Variants in SLC24A4 observed in about 807,000 individuals in gnomAD.
The protein encoded by SLC24A4 is sodium/potassium/calcium exchanger 4.
SLC24A4 carries 53 observed loss-of-function variants against 79.0 expected under a neutral mutation model. The ratio of observed to expected loss-of-function variants is 0.67; its 90% CI spans 0.54 to 0.84. The LOEUF (loss-of-function observed/expected upper bound fraction) is 0.84, where lower values mean the gene tolerates loss of function less well. Ranked by LOEUF, SLC24A4 falls within the 40% of genes least tolerant of loss-of-function variation. SLC24A4 has a pLI of 0.00. For missense variants in SLC24A4, 731 were observed against 822.0 expected (o/e 0.89, Z 1.35); for synonymous variants, 323 against 323.8 (o/e 1.00, Z 0.03).
intron 13 of SLC24A4, among the ~76,000 whole-genome samples, chr14:92,486,232 G>A (rs965986096): frequency 7.2e-5 from 11 of 152,200 alleles, no homozygotes; most frequent in African/African-American, 2.7e-4. Flanking sequence ...TGTGCAGTTG[G>A]GGAAACTGAG....
intron 2 of SLC24A4, among the ~76,000 whole-genome samples, chr14:92,413,849 C>T (rs1890847688): frequency 6.6e-6 from 1 of 152,092 alleles, no homozygotes; most frequent in African/African-American, 2.4e-5. Context: ...TAGAGATAGG[C>T]AAAAGATGTG....
chr14:92,407,488 C>T (rs962121869), intron 2 of SLC24A4, among the ~76,000 whole-genome samples: 5 of 152,186 alleles, frequency 3.3e-5, no homozygotes, highest in Non-Finnish European at 5.9e-5. Context: ...AAAGAACCAC[C>T]TGAGACTGGG....
intron 12 of SLC24A4, among the ~76,000 whole-genome samples, chr14:92,464,817 G>A (rs1007498785): frequency 2.0e-5 from 3 of 152,204 alleles, no homozygotes; most frequent in African/African-American, 4.8e-5. Context: ...CTGAAGAAAA[G>A]CAGTGAAGCC....
chr14:92,493,477 T>G lies in SLC24A4; in HGVS notation c.1718T>G (p.Val573Gly). 3.7e-6 allele frequency: 6 copies of G among 1,614,102 alleles called. No individual in the cohort carries two copies. Among genetic ancestry groups the G allele is most frequent in the Non-Finnish European group, 5.1e-6 (6 of 1,179,994 alleles). Residue 573 changes from valine (V) to glycine (G), a missense_variant and splice_region_variant, in exon 17 of 17, where the codon GTC becomes GGC. By Grantham distance (109) the Val-to-Gly change is moderately radical (BLOSUM62 -3). Transcript: ENST00000532405. ...AGTTCCCACACTCTGTCCTCCCAGG[T>G]CCTCGGCATCCACCTAAACAAGTGG... ...VLLLGSVALTVLGIHLNKWRL... is the reference protein window; with the variant it reads ...VLLLGSVALTGLGIHLNKWRL...
chr14:92,348,535 G>A (rs897135268), intron 2 of SLC24A4, among the ~76,000 whole-genome samples: 17 of 152,318 alleles, frequency 1.1e-4, no homozygotes, highest in African/African-American at 4.1e-4. Flanking sequence ...AAGTTGGTTG[G>A]TGGTTTCCTG....
chr14:92,374,123 G>T (rs550586310), intron 2 of SLC24A4, among the ~76,000 whole-genome samples: 1 of 152,338 alleles, frequency 6.6e-6, no homozygotes, highest in African/African-American at 2.4e-5. Flanking sequence ...AAAGTTCTTT[G>T]CTTTTGTGCT....
At chr14:92,456,640 A>C (rs756024335) in intron 12 of SLC24A4, 32 bp downstream of exon 12, 27 of 1,603,558 alleles carry the variant, frequency 1.7e-5, no homozygotes, top group Non-Finnish European at 2.0e-5. Context: ...CTCTCGGGCT[A>C]CATTTTTGGG....
At chr14:92,342,371 T>A (rs116911323) in intron 2 of SLC24A4, among the ~76,000 whole-genome samples, 10,740 of 140,638 alleles carry the variant, frequency 0.076, 452 homozygotes, top group Non-Finnish European at 0.099. Context: ...CCCATTTATT[T>A]ATTTATTTAT....
intron 2 of SLC24A4, among the ~76,000 whole-genome samples, chr14:92,367,151 G>A (rs934840639): frequency 2.6e-5 from 4 of 152,190 alleles, no homozygotes; most frequent in African/African-American, 7.2e-5. Flanking sequence ...TGCCTTGCCC[G>A]TTCAGAGGCT....
chr14:92,390,772 A>G (rs1203950106), intron 2 of SLC24A4, among the ~76,000 whole-genome samples: 1 of 152,150 alleles, frequency 6.6e-6, no homozygotes, highest in Non-Finnish European at 1.5e-5. Context: ...TCCGATTCCT[A>G]TTTTAGGAAT....
chr14:92,359,407 C>T (rs1566712180), intron 2 of SLC24A4, among the ~76,000 whole-genome samples: 2 of 151,980 alleles, frequency 1.3e-5, no homozygotes, highest in African/African-American at 4.8e-5. Flanking sequence ...AACCCTATCT[C>T]TACTAAAAAT....
intron 2 of SLC24A4, among the ~76,000 whole-genome samples, chr14:92,392,681 G>C (rs764638646): frequency 1.3e-5 from 2 of 152,224 alleles, no homozygotes; most frequent in African/African-American, 4.8e-5. Context: ...TCCAAATGTT[G>C]AATCTTTATC....
chr14:92,422,126 CA>C (rs1228636892), intron 2 of SLC24A4, among the ~76,000 whole-genome samples: 1 of 152,228 alleles, frequency 6.6e-6, no homozygotes, highest in African/African-American at 2.4e-5. Flanking sequence ...CCTGTAAGGG[CA>C]GGCACTTTTG....
rs919122293 is a variant in SLC24A4, at chr14:92,323,763, C to T, written c.-68C>T. 4.1e-5 allele frequency: 61 copies of T among 1,499,686 alleles called. No homozygotes were observed. In the South Asian group the frequency reaches 5.5e-4, roughly 14 times the overall value. 92.9% of individuals were successfully genotyped at this position (1,499,686 alleles called of 1,614,324 possible). ...CTGCTCCAGCCCCAGCGCCGCTCGG[C>T]CACTGATTGCACTCTGGCCGCTGAA... On this transcript the variant is annotated 5_prime_UTR_variant, in exon 1 of 17. Transcript: ENST00000532405. This position sits in a 1 kb window ranked among gnomAD's most constrained non-coding sequence, Gnocchi z 4.9.
chr14:92,472,646 GCATATATGTA>G (rs1894502027), intron 12 of SLC24A4, among the ~76,000 whole-genome samples: 1 of 151,984 alleles, frequency 6.6e-6, no homozygotes, highest in Non-Finnish European at 1.5e-5. Context: ...ACATATATGT[GCATATATGTA>G]CACACCACAG....
At position 92,379,649 on chromosome 14, in the gene SLC24A4, A is replaced by G. The variant is rs561989136; in HGVS notation, c.241+53671A>G. On this transcript the variant is annotated intron_variant, in intron 2 of 16. Coordinates refer to ENST00000532405, the MANE Select transcript of SLC24A4 (RefSeq NM_153646.4). ...TGAAGGGCATGGGAGTGCTGGAGAG[A>G]GGTGACTTCCGGGACACTGACTGGC... 2.0e-5 allele frequency among the ~76,000 whole-genome samples: 3 copies of G among 152,080 alleles called. No individual in the cohort carries two copies. The South Asian group carries it at 6.2e-4, about 32-fold the overall frequency.
chr14:92,396,747 T>C (rs1389691977), intron 2 of SLC24A4, among the ~76,000 whole-genome samples: 1 of 152,228 alleles, frequency 6.6e-6, no homozygotes, highest in Non-Finnish European at 1.5e-5. Context: ...TCTACTCTCT[T>C]CTTTTCTGTA....
chr14:92,475,457 A>C (rs1033029313), intron 12 of SLC24A4, among the ~76,000 whole-genome samples: 1 of 152,250 alleles, frequency 6.6e-6, no homozygotes, highest in Non-Finnish European at 1.5e-5. Flanking sequence ...GGTGGATTCA[A>C]GTAGTAAGGC....
At chr14:92,491,835 C>A in intron 15 of SLC24A4, 58 bp downstream of exon 15, 1 of 1,341,854 alleles carries the variant, frequency 7.5e-7, no homozygotes, top group Non-Finnish European at 1.1e-6. Flanking sequence ...TGGTGTTGGC[C>A]CAGTTCCAGC....
Sources: allele counts gnomAD v4.1 joint callset (sites outside exome capture counted in the v4.1 genomes callset), GRCh38; gene constraint gnomAD v4.1.1; non-coding constraint Gnocchi (gnomAD v3.1); transcripts MANE v1.5; gene names NCBI Gene and HGNC (gene_info 2026-07-23, HGNC 2026-07-21).